CNTNAP4: variants seen among roughly 807,000 people sequenced by gnomAD.
The protein encoded by CNTNAP4 is contactin-associated protein-like 4.
A neutral mutation model predicts 148.4 loss-of-function variants in CNTNAP4; 98 were observed. The ratio of observed to expected loss-of-function variants is 0.66; its 90% CI spans 0.56 to 0.78. CNTNAP4 has a LOEUF of 0.78. CNTNAP4 is among the 30% of genes least tolerant of loss of function. The pLI is 0.00. For missense variants in CNTNAP4, 1,935 were observed against 1,565.6 expected (o/e 1.24, Z -3.98); for synonymous variants, 730 against 565.1 (o/e 1.29, Z -4.14).
At chr16:76,528,287 C>T (rs1194013420) in intron 17 of CNTNAP4, among the ~76,000 whole-genome samples, 1 of 151,960 alleles carries the variant, frequency 6.6e-6, no homozygotes, top group Non-Finnish European at 1.5e-5. Flanking sequence ...TGAGATGGAT[C>T]TCTCTCTCTG....
At chr16:76,452,807 T>G (rs573512365) in intron 8 of CNTNAP4, 38 bp downstream of exon 8, 1 of 1,482,360 alleles carries the variant, frequency 6.7e-7, no homozygotes. Flanking sequence ...CATATGGATT[T>G]GAAAGATTTC....
At chr16:76,337,606 A>T (rs1056481477) in intron 2 of CNTNAP4, among the ~76,000 whole-genome samples, 7 of 152,214 alleles carry the variant, frequency 4.6e-5, no homozygotes, top group Non-Finnish European at 1.0e-4. Flanking sequence ...ATTGATAAAC[A>T]TCTTAACAGG....
intron 9 of CNTNAP4, among the ~76,000 whole-genome samples, chr16:76,462,868 T>G (rs960718360): frequency 6.6e-6 from 1 of 152,250 alleles, no homozygotes; most frequent in South Asian, 2.1e-4. Context: ...GTCATCGTTA[T>G]GTTACATTTT....
chr16:76,462,519 T>C (rs2081015408), intron 9 of CNTNAP4, among the ~76,000 whole-genome samples: 1 of 152,190 alleles, frequency 6.6e-6, no homozygotes, highest in Admixed American at 6.5e-5. Flanking sequence ...AGGACAATAT[T>C]ATGCCAAAGG....
rs143697443 is a variant in CNTNAP4, at chr16:76,378,308, G to T, written c.390+22797G>T. On this transcript the variant is annotated intron_variant, in intron 3 of 23. Coordinates refer to ENST00000611870, the MANE Select transcript of CNTNAP4 (RefSeq NM_033401.5). ...TTAAAAAATAAAAAAATATAATGAG[G>T]ACCCTGGATGGCAGAAAAAAGATCG... is the stretch of plus-strand genomic sequence containing the variant. 2.7e-3 allele frequency among the ~76,000 whole-genome samples: 404 copies of T among 152,210 alleles called. 2 individuals are homozygous for T. Among genetic ancestry groups the T allele is most frequent in the African/African-American group, 9.2e-3 (384 of 41,538 alleles).
At chr16:76,513,869 A>G (rs1350891094) in intron 15 of CNTNAP4, among the ~76,000 whole-genome samples, 1 of 152,216 alleles carries the variant, frequency 6.6e-6, no homozygotes, top group Admixed American at 6.5e-5. Context: ...AATGGCCAAT[A>G]AAAAGCTCAA....
chr16:76,412,093 G>T (rs922230557), intron 3 of CNTNAP4, among the ~76,000 whole-genome samples: 3 of 151,308 alleles, frequency 2.0e-5, no homozygotes, highest in Admixed American at 6.6e-5. Flanking sequence ...TTAACATCAT[G>T]CTTATGAAAA....
intron 10 of CNTNAP4, among the ~76,000 whole-genome samples, chr16:76,468,431 G>A (rs374318587): frequency 2.6e-5 from 4 of 152,158 alleles, no homozygotes; most frequent in Middle Eastern, 3.4e-3. Context: ...CCAAGATCAC[G>A]CCATTGCACT....
intron 3 of CNTNAP4, among the ~76,000 whole-genome samples, chr16:76,358,148 A>G (rs1330935199): frequency 6.6e-6 from 1 of 152,176 alleles, no homozygotes; most frequent in Non-Finnish European, 1.5e-5. Flanking sequence ...AGCCTGGCCA[A>G]CATGGTGAAA....
At chr16:76,316,863 G>T (rs538798214) in intron 2 of CNTNAP4, among the ~76,000 whole-genome samples, 1 of 152,040 alleles carries the variant, frequency 6.6e-6, no homozygotes, top group African/African-American at 2.4e-5. Context: ...TTTCAAAAAC[G>T]CTAATTATTT....
chr16:76,495,599 C>G (rs2082376183), intron 14 of CNTNAP4, among the ~76,000 whole-genome samples: 1 of 142,330 alleles, frequency 7.0e-6, no homozygotes, highest in Non-Finnish European at 1.5e-5. Flanking sequence ...AAATATTCCT[C>G]TAAGCAGAGA....
intron 7 of CNTNAP4, among the ~76,000 whole-genome samples, chr16:76,450,849 G>C (rs945003070): frequency 2.6e-5 from 4 of 152,184 alleles, no homozygotes; most frequent in African/African-American, 9.7e-5. Context: ...ATCTATATTA[G>C]GACTTGGACC....
rs755484230 is a variant in CNTNAP4 at position 76,448,917 on chromosome 16, G to A, written c.893G>A (p.Arg298Gln). ...VDEHRHHFHA[R>Q]GEFNLMNLDY... ...GAACACAGGCATCATTTCCATGCACGGGGAGAATTCAATCTCATGAATCTT... is the reference window on the plus strand; with the variant it reads ...GAACACAGGCATCATTTCCATGCACAGGGAGAATTCAATCTCATGAATCTT... The change falls in exon 6 of 24, where the codon CGG becomes CAG. Residue 298 changes from arginine (R) to glutamine (Q), a missense_variant. Transcript: ENST00000611870. 20 of 1,613,528 alleles carry A rather than the reference G, an allele frequency of 1.2e-5. No individual in the cohort carries two copies. Among genetic ancestry groups the A allele is most frequent in the Middle Eastern group, 1.6e-4 (1 of 6,082 alleles).
Position 76,277,763 on chromosome 16 carries a change from A to G in CNTNAP4, c.85+16A>G, listed in dbSNP as rs1958534149. 3.3e-6 allele frequency: 5 copies of G among 1,507,102 alleles called. No individual in the cohort carries two copies. The highest frequency in any genetic ancestry group is 4.6e-6 in the Non-Finnish European group (5 of 1,096,136). 93.4% of individuals were successfully genotyped at this position (1,507,102 alleles called of 1,614,324 possible). On this transcript the variant is annotated intron_variant, in intron 1 of 23. Coordinates refer to ENST00000611870, the MANE Select transcript of CNTNAP4 (RefSeq NM_033401.5). Reference sequence around the variant, plus strand: ...GGGAATTCCTGTAAGTATACAGCAAATGATTTAAAACTTGCTGGGGGGCTC... The same window carrying G: ...GGGAATTCCTGTAAGTATACAGCAAGTGATTTAAAACTTGCTGGGGGGCTC...
chr16:76,301,284 G>A (rs187124548), intron 1 of CNTNAP4, among the ~76,000 whole-genome samples: 112 of 152,140 alleles, frequency 7.4e-4, no homozygotes, highest in Non-Finnish European at 1.2e-3. Flanking sequence ...CATATTAATA[G>A]CTCCAAGGGT....
intron 4 of CNTNAP4, among the ~76,000 whole-genome samples, chr16:76,447,056 G>A (rs567745317): frequency 1.7e-4 from 26 of 152,144 alleles, no homozygotes; most frequent in Middle Eastern, 3.4e-3. Flanking sequence ...GCCTTTAATC[G>A]CAGCACTTTG....
chr16:76,478,708 A>G (rs1190781078), intron 11 of CNTNAP4, among the ~76,000 whole-genome samples: 1 of 152,136 alleles, frequency 6.6e-6, no homozygotes, highest in African/African-American at 2.4e-5. Flanking sequence ...TACATAATTA[A>G]AAACATCCAA....
chr16:76,473,945 G>C (rs1219965289), intron 10 of CNTNAP4, among the ~76,000 whole-genome samples: 1 of 151,744 alleles, frequency 6.6e-6, no homozygotes, highest in Non-Finnish European at 1.5e-5. Context: ...ATCCTAACAG[G>C]TATCAATAAT....
At chr16:76,531,130 C>T (rs1272430477) in intron 17 of CNTNAP4, among the ~76,000 whole-genome samples, 3 of 152,130 alleles carry the variant, frequency 2.0e-5, no homozygotes, top group African/African-American at 7.2e-5. Context: ...TTCTTTATTT[C>T]TGTAAGGCCC....
Sources: allele counts gnomAD v4.1 joint callset (sites outside exome capture counted in the v4.1 genomes callset), GRCh38; gene constraint gnomAD v4.1.1; transcripts MANE v1.5; gene names NCBI Gene and HGNC (gene_info 2026-07-23, HGNC 2026-07-21).